Variants in CDKAL1 observed in about 807,000 individuals in gnomAD.
CDKAL1 encodes threonylcarbamoyladenosine tRNA methylthiotransferase.
A neutral mutation model predicts 68.2 loss-of-function variants in CDKAL1; 32 were observed. The ratio of observed to expected loss-of-function variants is 0.47; its 90% CI spans 0.35 to 0.63. CDKAL1 has a LOEUF of 0.63. CDKAL1 is among the 30% of genes least tolerant of loss of function. The pLI is 0.00. For missense variants in CDKAL1, 606 were observed against 696.7 expected (o/e 0.87, Z 1.47); for synonymous variants, 234 against 244.3 (o/e 0.96, Z 0.39).
chr6:20,901,563 C>T (rs888703536), intron 9 of CDKAL1, among the ~76,000 whole-genome samples: 1 of 150,656 alleles, frequency 6.6e-6, no homozygotes, highest in African/African-American at 2.4e-5. Context: ...TGCCTGTAGT[C>T]CCAGCTACTC....
intron 9 of CDKAL1, among the ~76,000 whole-genome samples, chr6:20,862,881 G>A (rs1422593223): frequency 6.6e-6 from 1 of 152,136 alleles, no homozygotes; most frequent in Admixed American, 6.5e-5. Flanking sequence ...ACAAAAATTA[G>A]CTAGGTGTGG....
intron 2 of CDKAL1, among the ~76,000 whole-genome samples, chr6:20,536,090 G>T (rs1017019619): frequency 1.5e-5 from 2 of 137,700 alleles, no homozygotes; most frequent in Non-Finnish European, 3.0e-5. Flanking sequence ...CACCATGCCC[G>T]GCTAAATTTT....
intron 6 of CDKAL1, among the ~76,000 whole-genome samples, chr6:20,745,129 A>G (rs1301475422): frequency 6.6e-6 from 1 of 152,192 alleles, no homozygotes; most frequent in Non-Finnish European, 1.5e-5. Flanking sequence ...TATCTCAGGG[A>G]CTATTAGCAG....
chr6:21,081,076 G>A (rs1772370331), intron 12 of CDKAL1, among the ~76,000 whole-genome samples: 1 of 152,114 alleles, frequency 6.6e-6, no homozygotes, highest in Non-Finnish European at 1.5e-5. Context: ...GCTTTGTAGT[G>A]ATAGAAAATC....
At chr6:20,630,851 A>G (rs1767645646) in intron 4 of CDKAL1, among the ~76,000 whole-genome samples, 1 of 152,116 alleles carries the variant, frequency 6.6e-6, no homozygotes, top group South Asian at 2.1e-4. Context: ...CATCCATAAG[A>G]TGGGGGTTAT....
intron 11 of CDKAL1, among the ~76,000 whole-genome samples, chr6:21,002,962 C>T (rs1767508950): frequency 6.6e-6 from 1 of 151,984 alleles, no homozygotes; most frequent in Non-Finnish European, 1.5e-5. Context: ...GCACTCCAGC[C>T]TGGGTGACAG....
At chr6:21,176,278 AAAAG>A (rs1188178754) in intron 13 of CDKAL1, among the ~76,000 whole-genome samples, 2 of 152,282 alleles carry the variant, frequency 1.3e-5, no homozygotes, top group Non-Finnish European at 2.9e-5. Context: ...GTACAGTTCT[AAAAG>A]AAAACATTTT....
intron 13 of CDKAL1, among the ~76,000 whole-genome samples, chr6:21,182,573 T>C (rs1777833804): frequency 6.6e-6 from 1 of 152,240 alleles, no homozygotes; most frequent in African/African-American, 2.4e-5. Flanking sequence ...CTGTCCTGTG[T>C]ACTGTTTAGT....
intron 15 of CDKAL1, among the ~76,000 whole-genome samples, chr6:21,230,604 C>T (rs984497429): frequency 1.1e-4 from 17 of 152,266 alleles, no homozygotes; most frequent in South Asian, 8.3e-4. Context: ...AAACACGGCC[C>T]GTCTTTCTCA....
intron 9 of CDKAL1, among the ~76,000 whole-genome samples, chr6:20,922,340 T>C (rs951883174): frequency 1.3e-5 from 2 of 152,224 alleles, no homozygotes; most frequent in African/African-American, 4.8e-5. Context: ...AATTTTTCTT[T>C]CTTCACCCTC....
intron 5 of CDKAL1, among the ~76,000 whole-genome samples, chr6:20,720,667 T>G (rs992806516): frequency 1.3e-5 from 2 of 152,092 alleles, no homozygotes; most frequent in Admixed American, 1.3e-4. Flanking sequence ...GCCTGGCTAA[T>G]TTTTGTATTT....
At chr6:21,114,926 G>A (rs1562043131) in intron 13 of CDKAL1, among the ~76,000 whole-genome samples, 1 of 151,980 alleles carries the variant, frequency 6.6e-6, no homozygotes. Flanking sequence ...ATTCATATCT[G>A]CTAGTGTACA....
At chr6:20,813,586 T>C (rs1776912496) in intron 8 of CDKAL1, among the ~76,000 whole-genome samples, 2 of 152,246 alleles carry the variant, frequency 1.3e-5, no homozygotes, top group Admixed American at 6.5e-5. Flanking sequence ...TTAGCTCTTA[T>C]ATTTAGGTCT....
At chr6:20,537,670 C>G (rs1310944321) in intron 2 of CDKAL1, among the ~76,000 whole-genome samples, 1 of 150,854 alleles carries the variant, frequency 6.6e-6, no homozygotes, top group East Asian at 1.9e-4. Flanking sequence ...AACCACTGCT[C>G]TAGGATATTG....
intron 11 of CDKAL1, among the ~76,000 whole-genome samples, chr6:21,036,909 G>A (rs866011184): frequency 3.9e-5 from 6 of 152,146 alleles, no homozygotes; most frequent in Non-Finnish European, 8.8e-5. Context: ...TGGTCCTGAT[G>A]TCTTCAACTA....
chr6:21,100,030 C>T (rs756144343), intron 12 of CDKAL1, among the ~76,000 whole-genome samples: 1 of 152,008 alleles, frequency 6.6e-6, no homozygotes, highest in Non-Finnish European at 1.5e-5. Flanking sequence ...TGAATTAACA[C>T]AGAATTTTCT....
At chr6:20,601,075 A>G (rs916498303) in intron 4 of CDKAL1, among the ~76,000 whole-genome samples, 9 of 152,046 alleles carry the variant, frequency 5.9e-5, no homozygotes, top group African/African-American at 1.9e-4. Context: ...TGGCATTGCT[A>G]AATCTTCAGT....
intron 8 of CDKAL1, among the ~76,000 whole-genome samples, chr6:20,828,103 T>C (rs10806927): frequency 0.31 from 47,611 of 151,942 alleles, 7,747 homozygotes; most frequent in East Asian, 0.53. Context: ...AACTTCAGAG[T>C]AGGGAGAACA....
chr6:20,545,870 C>T (rs942930135), intron 2 of CDKAL1, among the ~76,000 whole-genome samples: 1 of 152,156 alleles, frequency 6.6e-6, no homozygotes, highest in African/African-American at 2.4e-5. Flanking sequence ...AATATAAGGA[C>T]AATACTTTAT....
Sources: allele counts gnomAD v4.1 joint callset (sites outside exome capture counted in the v4.1 genomes callset), GRCh38; gene constraint gnomAD v4.1.1; transcripts MANE v1.5; gene names NCBI Gene and HGNC (gene_info 2026-07-23, HGNC 2026-07-21).